The following CFAP210 variants were observed in gnomAD, a reference collection of about 807,000 sequenced individuals.
CFAP210 encodes cilia- and flagella- associated protein 210.
At chr2:169,648,922 G>A in the CFAP210 span, among the ~76,000 whole-genome samples, 34 of 152,230 alleles carry the variant, frequency 2.2e-4, no homozygotes, top group East Asian at 9.6e-4. Flanking sequence ...GCCTCCACAT[G>A]CATTTGTATT....
chr2:169,689,727 G>A, the CFAP210 span, among the ~76,000 whole-genome samples: 5 of 152,250 alleles, frequency 3.3e-5, no homozygotes, highest in East Asian at 5.8e-4. Context: ...TATGATGTTA[G>A]CTATGGGCTT....
chr2:169,674,762 A>C, the CFAP210 span: 1 of 1,563,972 alleles, frequency 6.4e-7, no homozygotes, highest in Non-Finnish European at 8.6e-7. Flanking sequence ...ACTAAGAAGA[A>C]GTCCCGACTA....
At chr2:169,689,848 A>G in the CFAP210 span, among the ~76,000 whole-genome samples, 1 of 152,222 alleles carries the variant, frequency 6.6e-6, no homozygotes, top group African/African-American at 2.4e-5. Context: ...TAGGATAATC[A>G]TGTAGTTTTG....
At chr2:169,650,336 G>A in the CFAP210 span, 3 of 1,585,090 alleles carry the variant, frequency 1.9e-6, no homozygotes, top group Admixed American at 5.6e-5. Flanking sequence ...TACCACAATG[G>A]CTCGATATTC....
At chr2:169,662,598 C>G in the CFAP210 span, among the ~76,000 whole-genome samples, 366 of 152,320 alleles carry the variant, frequency 2.4e-3, no homozygotes, top group African/African-American at 8.4e-3. Flanking sequence ...GTGACTAAAA[C>G]TAATCCAATC....
chr2:169,654,286 G>A, the CFAP210 span: 1 of 1,321,392 alleles, frequency 7.6e-7, no homozygotes, highest in Non-Finnish European at 1.0e-6. Context: ...TAGCTAACAA[G>A]AACCTGTCAA....
At chr2:169,672,400 T>G in the CFAP210 span, among the ~76,000 whole-genome samples, 5 of 152,206 alleles carry the variant, frequency 3.3e-5, no homozygotes, top group Non-Finnish European at 5.9e-5. Flanking sequence ...TAGCTCACAC[T>G]ATTACAAGGC....
the CFAP210 span, among the ~76,000 whole-genome samples, chr2:169,672,678 A>T: frequency 2.0e-5 from 3 of 152,162 alleles, no homozygotes; most frequent in Non-Finnish European, 4.4e-5. Context: ...AAGCAAGAGT[A>T]GCCTACCTTC....
chr2:169,661,449 G>C, the CFAP210 span: 3 of 337,636 alleles, frequency 8.9e-6, no homozygotes, highest in African/African-American at 6.5e-5. Context: ...CAGGGGCTGA[G>C]CTGCACAGAC....
chr2:169,669,762 G>GA, the CFAP210 span, among the ~76,000 whole-genome samples: 1 of 143,836 alleles, frequency 7.0e-6, no homozygotes, highest in Non-Finnish European at 1.5e-5. Context: ...GCGACACAGC[G>GA]AGACTCCGTC....
At chr2:169,683,475 C>T in the CFAP210 span, among the ~76,000 whole-genome samples, 1 of 152,188 alleles carries the variant, frequency 6.6e-6, no homozygotes. Context: ...CAATCAGAAG[C>T]TAACCAAACA....
chr2:169,657,743 T>TA, the CFAP210 span, among the ~76,000 whole-genome samples: 4 of 151,124 alleles, frequency 2.6e-5, no homozygotes, highest in Non-Finnish European at 4.4e-5. Flanking sequence ...AAAAAAAAAA[T>TA]AAGAAAGAAA....
At chr2:169,675,005 C>G in the CFAP210 span, 1 of 1,533,804 alleles carries the variant, frequency 6.5e-7, no homozygotes, top group Non-Finnish European at 8.7e-7. Context: ...CTTCATCACG[C>G]TTCTTTTTGG....
the CFAP210 span, among the ~76,000 whole-genome samples, chr2:169,676,420 G>A: frequency 2.7e-5 from 4 of 150,870 alleles, no homozygotes; most frequent in East Asian, 1.9e-4. Context: ...TACCAGGGAC[G>A]TTTTTAAAAT....
At chr2:169,681,301 GT>G in the CFAP210 span, 1 of 1,158,116 alleles carries the variant, frequency 8.6e-7, no homozygotes, top group South Asian at 1.3e-5. Context: ...CGTCTGAGAA[GT>G]TCCGATATTG....
chr2:169,678,937 T>C, the CFAP210 span, among the ~76,000 whole-genome samples: 1 of 152,178 alleles, frequency 6.6e-6, no homozygotes, highest in South Asian at 2.1e-4. Flanking sequence ...AGACCTATTA[T>C]TAAATCTACA....
the CFAP210 span, among the ~76,000 whole-genome samples, chr2:169,664,780 A>G: frequency 4.7e-4 from 72 of 152,330 alleles, no homozygotes; most frequent in Non-Finnish European, 8.8e-4. Flanking sequence ...AGAGTTGAAT[A>G]TGTCAACGCC....
the CFAP210 span, among the ~76,000 whole-genome samples, chr2:169,682,111 T>C: frequency 6.6e-5 from 10 of 152,166 alleles, no homozygotes; most frequent in Admixed American, 6.5e-4. Context: ...ATTTAAAGCA[T>C]CCTAAATGAA....
chr2:169,647,646 A>T, the CFAP210 span, among the ~76,000 whole-genome samples: 1 of 152,208 alleles, frequency 6.6e-6, no homozygotes, highest in Non-Finnish European at 1.5e-5. Context: ...AATCAGAAGG[A>T]TTCCAAATAC....
Sources: allele counts gnomAD v4.1 joint callset (sites outside exome capture counted in the v4.1 genomes callset), GRCh38; gene constraint gnomAD v4.1.1; transcripts MANE v1.5; gene names NCBI Gene and HGNC (gene_info 2026-07-23, HGNC 2026-07-21).